Variants in OR1B1 observed in about 807,000 individuals in gnomAD.
OR1B1 encodes the protein olfactory receptor 1B1.
For synonymous variants in OR1B1, 168 were observed against 156.2 expected, an observed-to-expected ratio of 1.08 and a Z score of -0.57; for missense variants, 414 against 402.1, an observed-to-expected ratio of 1.03 and a Z score of -0.25.
the OR1B1 span, among the ~76,000 whole-genome samples, chr9:122,652,682 G>GT: frequency 6.6e-6 from 1 of 151,872 alleles, no homozygotes; most frequent in South Asian, 2.1e-4. Flanking sequence ...GTTAACTCAG[G>GT]TTCTATGTTT....
the OR1B1 span, among the ~76,000 whole-genome samples, chr9:122,654,404 A>G: frequency 8.5e-5 from 13 of 152,302 alleles, no homozygotes; most frequent in African/African-American, 2.9e-4. Context: ...CCTTCGTGGG[A>G]ACTCAGTGCT....
At chr9:122,646,205 A>C in the OR1B1 span, among the ~76,000 whole-genome samples, 1 of 152,122 alleles carries the variant, frequency 6.6e-6, no homozygotes, top group Admixed American at 6.6e-5. Flanking sequence ...ATACACAAAA[A>C]ACGAAGAGCA....
At chr9:122,656,959 T>C in the OR1B1 span, among the ~76,000 whole-genome samples, 1 of 152,190 alleles carries the variant, frequency 6.6e-6, no homozygotes, top group African/African-American at 2.4e-5. Flanking sequence ...GGGGTCCAAC[T>C]GATTTTTTTC....
the OR1B1 span, among the ~76,000 whole-genome samples, chr9:122,638,464 T>C: frequency 6.6e-6 from 1 of 152,192 alleles, no homozygotes; most frequent in Non-Finnish European, 1.5e-5. Flanking sequence ...TTTTTATTAT[T>C]GATGCCTTCT....
chr9:122,642,902 T>C, the OR1B1 span, among the ~76,000 whole-genome samples: 1 of 152,204 alleles, frequency 6.6e-6, no homozygotes, highest in African/African-American at 2.4e-5. Flanking sequence ...ACATGTAAAG[T>C]GCTAATAACA....
the OR1B1 span, among the ~76,000 whole-genome samples, chr9:122,638,949 C>A: frequency 6.6e-6 from 1 of 152,132 alleles, no homozygotes; most frequent in Non-Finnish European, 1.5e-5. Context: ...GCCTCAGAAG[C>A]CCAAAATTTA....
At chr9:122,649,076 G>C in the OR1B1 span, among the ~76,000 whole-genome samples, 1 of 152,158 alleles carries the variant, frequency 6.6e-6, no homozygotes, top group Non-Finnish European at 1.5e-5. Flanking sequence ...GAACAGAACA[G>C]AGAACTCAGA....
upstream of OR1B1, among the ~76,000 whole-genome samples, chr9:122,634,061 G>C (rs1830231407): frequency 1.3e-5 from 2 of 152,132 alleles, no homozygotes; most frequent in African/African-American, 4.8e-5. Flanking sequence ...AATTAGCCAG[G>C]CATGGTGGCA....
At chr9:122,635,477 T>C in the OR1B1 span, among the ~76,000 whole-genome samples, 7 of 152,158 alleles carry the variant, frequency 4.6e-5, no homozygotes, top group South Asian at 2.1e-4. Flanking sequence ...TAATATTGCA[T>C]TGTATACTTC....
chr9:122,629,669 A>AC (rs1013557109), upstream of OR1B1: 20 of 594,584 alleles, frequency 3.4e-5, 1 homozygote, highest in Admixed American at 4.9e-4. Flanking sequence ...TTCGAACTTG[A>AC]CCATCTACTC....
chr9:122,655,489 T>C, the OR1B1 span, among the ~76,000 whole-genome samples: 2 of 152,198 alleles, frequency 1.3e-5, no homozygotes, highest in East Asian at 3.9e-4. Context: ...CGCCATGGAA[T>C]ACTATGCAGC....
upstream of OR1B1, among the ~76,000 whole-genome samples, chr9:122,632,747 C>T (rs1830215098): frequency 1.3e-5 from 2 of 152,108 alleles, no homozygotes; most frequent in African/African-American, 4.8e-5. Flanking sequence ...ACCCAGGAGA[C>T]AGTACAAAGT....
chr9:122,629,504 G>T, exon 1 of OR1B1: 1 of 1,611,304 alleles, frequency 6.2e-7, no homozygotes, highest in Non-Finnish European at 8.5e-7. Flanking sequence ...AAAAACCGGA[G>T]AGTGTGAAGC....
At chr9:122,634,119 C>T (rs888519708), upstream of OR1B1, among the ~76,000 whole-genome samples, 1 of 151,788 alleles carries the variant, frequency 6.6e-6, no homozygotes, top group African/African-American at 2.4e-5. Flanking sequence ...GGTGAATCAC[C>T]TGAAGTCGGG....
At chr9:122,653,714 T>C in the OR1B1 span, among the ~76,000 whole-genome samples, 1 of 152,274 alleles carries the variant, frequency 6.6e-6, no homozygotes, top group Non-Finnish European at 1.5e-5. Context: ...AATATTTCCC[T>C]TGGTAATATC....
At chr9:122,634,078 T>G (rs1157724253), upstream of OR1B1, among the ~76,000 whole-genome samples, 1 of 152,096 alleles carries the variant, frequency 6.6e-6, no homozygotes, top group East Asian at 1.9e-4. Flanking sequence ...GGCACATGCC[T>G]GTAATCCCAG....
the OR1B1 span, among the ~76,000 whole-genome samples, chr9:122,645,417 A>T: frequency 6.6e-6 from 1 of 152,294 alleles, no homozygotes; most frequent in African/African-American, 2.4e-5. Flanking sequence ...AAAAATATCA[A>T]CATTCAAGTA....
At chr9:122,632,305 A>C (rs889034453), upstream of OR1B1, among the ~76,000 whole-genome samples, 7 of 152,298 alleles carry the variant, frequency 4.6e-5, no homozygotes, top group African/African-American at 1.2e-4. Context: ...TCAAAAAAAA[A>C]ACATATTTTT....
the OR1B1 span, among the ~76,000 whole-genome samples, chr9:122,644,789 G>T: frequency 6.6e-6 from 1 of 152,162 alleles, no homozygotes; most frequent in African/African-American, 2.4e-5. Context: ...TAGGGCTCAG[G>T]TCCCTTCCCT....
Sources: gnomAD v4.1 joint callset for allele counts (sites outside exome capture counted in the v4.1 genomes callset) on GRCh38, gnomAD v4.1.1 for gene constraint, MANE v1.5 for transcripts, NCBI Gene and HGNC (gene_info 2026-07-23, HGNC 2026-07-21) for gene names.